Variants in PDGFD observed in about 807,000 individuals in gnomAD.
PDGFD encodes platelet derived growth factor D.
Under a neutral mutation model 44.7 loss-of-function variants are expected in PDGFD, and 30 were observed. The observed-to-expected ratio is 0.67, with a 90% CI of 0.50 to 0.91. The LOEUF (loss-of-function observed/expected upper bound fraction) is 0.91. Among genes scored for constraint, PDGFD ranks in the 40% least tolerant of loss-of-function variants. The pLI, the probability that PDGFD is intolerant of heterozygous loss-of-function variation, is 0.00. For synonymous variants in PDGFD, 173 were observed against 168.4 expected (o/e 1.03, Z -0.21); for missense variants, 445 against 457.8 (o/e 0.97, Z 0.25).
intron 6 of PDGFD, among the ~76,000 whole-genome samples, chr11:103,917,437 T>C (rs1342109444): frequency 1.3e-5 from 2 of 152,226 alleles, no homozygotes; most frequent in Admixed American, 6.5e-5. Flanking sequence ...CTAATATACA[T>C]AGTCAGATTA....
At chr11:103,976,944 G>A (rs1859193745) in intron 3 of PDGFD, among the ~76,000 whole-genome samples, 1 of 151,872 alleles carries the variant, frequency 6.6e-6, no homozygotes, top group African/African-American at 2.4e-5. Context: ...TAGACCACTA[G>A]TCAGAATAAT....
intron 1 of PDGFD, among the ~76,000 whole-genome samples, chr11:104,152,546 GA>G (rs1157067814): frequency 6.6e-6 from 1 of 151,528 alleles, no homozygotes; most frequent in African/African-American, 2.4e-5. Context: ...CCTCTTTTTT[GA>G]ACCCTTTTAT....
intron 1 of PDGFD, among the ~76,000 whole-genome samples, chr11:104,112,446 C>A (rs1277368279): frequency 6.6e-6 from 1 of 151,964 alleles, no homozygotes; most frequent in Non-Finnish European, 1.5e-5. Flanking sequence ...ATTAGTTCAA[C>A]CATTGTGGAA....
chr11:103,991,423 G>A (rs1859450903), intron 3 of PDGFD, among the ~76,000 whole-genome samples: 1 of 151,776 alleles, frequency 6.6e-6, no homozygotes, highest in Non-Finnish European at 1.5e-5. Flanking sequence ...TATTCCCAAT[G>A]GAAATAACGG....
intron 1 of PDGFD, among the ~76,000 whole-genome samples, chr11:104,131,143 A>C (rs189592775): frequency 1.7e-3 from 257 of 152,338 alleles, no homozygotes; most frequent in Non-Finnish European, 2.8e-3. Flanking sequence ...TTAGTTTTGT[A>C]AATATCAAAT....
intron 1 of PDGFD, among the ~76,000 whole-genome samples, chr11:104,034,185 A>G (rs1416952968): frequency 2.0e-5 from 3 of 152,052 alleles, no homozygotes; most frequent in African/African-American, 4.8e-5. Flanking sequence ...ATTTCTCCTG[A>G]ATACCACTAC....
chr11:104,059,382 C>A (rs1457983941), intron 1 of PDGFD, among the ~76,000 whole-genome samples: 2 of 152,154 alleles, frequency 1.3e-5, no homozygotes, highest in African/African-American at 4.8e-5. Context: ...TTCATTAGGA[C>A]ATGATTCTTA....
chr11:104,130,689 C>A (rs1267847932), intron 1 of PDGFD, among the ~76,000 whole-genome samples: 1 of 152,160 alleles, frequency 6.6e-6, no homozygotes, highest in African/African-American at 2.4e-5. Context: ...CTTCTTAGAG[C>A]ATGGCTCATT....
intron 3 of PDGFD, among the ~76,000 whole-genome samples, chr11:103,988,336 A>C (rs1223873233): frequency 6.6e-6 from 1 of 151,734 alleles, no homozygotes; most frequent in Non-Finnish European, 1.5e-5. Context: ...TAGATACTAG[A>C]TAAACAGGAT....
chr11:104,111,063 A>G (rs1056374067), intron 1 of PDGFD, among the ~76,000 whole-genome samples: 12 of 152,082 alleles, frequency 7.9e-5, no homozygotes, highest in African/African-American at 2.9e-4. Context: ...TGTAAAAGTA[A>G]AAGAATTTTA....
intron 1 of PDGFD, among the ~76,000 whole-genome samples, chr11:104,123,888 A>G (rs1234852944): frequency 6.6e-6 from 1 of 152,078 alleles, no homozygotes; most frequent in Non-Finnish European, 1.5e-5. Context: ...CTTGCTTCTA[A>G]CTGGCAAAGG....
At chr11:103,910,207 T>G (rs570496869) in intron 6 of PDGFD, among the ~76,000 whole-genome samples, 4 of 152,242 alleles carry the variant, frequency 2.6e-5, no homozygotes, top group African/African-American at 9.6e-5. Context: ...TTGAGCATAT[T>G]ATTAGCATGG....
At chr11:103,944,580 A>G (rs1396898305) in intron 4 of PDGFD, among the ~76,000 whole-genome samples, 2 of 152,232 alleles carry the variant, frequency 1.3e-5, no homozygotes, top group African/African-American at 4.8e-5. Context: ...AAAGGCAAAT[A>G]TCTCCTATCA....
At chr11:104,006,872 C>T (rs1003215448) in intron 1 of PDGFD, among the ~76,000 whole-genome samples, 1 of 152,206 alleles carries the variant, frequency 6.6e-6, no homozygotes, top group Non-Finnish European at 1.5e-5. Flanking sequence ...ATTCATCCTT[C>T]AAGTCCATGT....
At chr11:104,025,442 A>C (rs920077266) in intron 1 of PDGFD, among the ~76,000 whole-genome samples, 3 of 152,232 alleles carry the variant, frequency 2.0e-5, no homozygotes, top group African/African-American at 7.2e-5. Flanking sequence ...AATGGATAAA[A>C]TATAAAACCC....
rs187802983 is a variant in PDGFD at position 104,013,676 on chromosome 11, A to G, written c.125-13421T>C. Among the ~76,000 whole-genome samples the G allele has an allele frequency of 4.0e-4, 61 of 152,176 alleles. 1 individual carries two copies. In the East Asian group the frequency reaches 0.01, roughly 26 times the overall value. ...ACTGATGAACAGTTTAGTAGTGACTACTTCAATGGCATACTTACTTCCCAT... is the reference window on the plus strand; with the variant it reads ...ACTGATGAACAGTTTAGTAGTGACTGCTTCAATGGCATACTTACTTCCCAT... On this transcript the variant is annotated intron_variant, in intron 1 of 6. Transcript: ENST00000393158.
chr11:104,141,838 C>G (rs2119876096), intron 1 of PDGFD, among the ~76,000 whole-genome samples: 1 of 152,262 alleles, frequency 6.6e-6, no homozygotes, highest in South Asian at 2.1e-4. Context: ...GGTGTGTGGC[C>G]TTACTGATAC....
At chr11:103,979,938 C>A (rs115069080) in intron 3 of PDGFD, among the ~76,000 whole-genome samples, 1 of 152,018 alleles carries the variant, frequency 6.6e-6, no homozygotes, top group African/African-American at 2.4e-5. Flanking sequence ...GGCACTGGCC[C>A]GCAATCTTAA....
intron 1 of PDGFD, among the ~76,000 whole-genome samples, chr11:104,012,636 G>A (rs1365941632): frequency 6.6e-6 from 1 of 152,102 alleles, no homozygotes; most frequent in Non-Finnish European, 1.5e-5. Flanking sequence ...CTTCCCTAAC[G>A]TGACTCCAGT....
Sources: gnomAD v4.1 joint callset for allele counts (sites outside exome capture counted in the v4.1 genomes callset) on GRCh38, gnomAD v4.1.1 for gene constraint, MANE v1.5 for transcripts, NCBI Gene and HGNC (gene_info 2026-07-23, HGNC 2026-07-21) for gene names.